The following PITPNC1 variants were observed in gnomAD, a reference collection of about 807,000 sequenced individuals.
The protein encoded by PITPNC1 is cytoplasmic phosphatidylinositol transfer protein 1.
A neutral mutation model predicts 44.7 loss-of-function variants in PITPNC1; 18 were observed. The observed-to-expected ratio is 0.40, with a 90% CI of 0.28 to 0.60. The LOEUF is 0.60. Ranked by LOEUF, PITPNC1 falls within the 20% of genes least tolerant of loss-of-function variation. The pLI is 0.39. For missense variants in PITPNC1, 290 were observed against 418.4 expected, an observed-to-expected ratio of 0.69 and a Z score of 2.68; for synonymous variants, 141 against 149.6, an observed-to-expected ratio of 0.94 and a Z score of 0.42.
At chr17:67,531,208 A>C (rs758030656) in intron 1 of PITPNC1, among the ~76,000 whole-genome samples, 4 of 152,242 alleles carry the variant, frequency 2.6e-5, no homozygotes, top group Non-Finnish European at 5.9e-5. Flanking sequence ...ACACCACTGT[A>C]GTCCCGCCCG....
chr17:67,624,214 C>CTTTTTTTTTTTTTTTTTTTT (rs71139163), intron 5 of PITPNC1, among the ~76,000 whole-genome samples: 3 of 127,114 alleles, frequency 2.4e-5, no homozygotes, highest in Admixed American at 1.8e-4. Context: ...TCTTTCTTTT[C>CTTTTTTTTTTTTTTTTTTTT]TTTTTTTTTT....
In PITPNC1 at chr17:67,599,003, T is replaced by TAC. The variant is rs200415484; in HGVS notation, c.366+20747_366+20748insCA. Among the ~76,000 whole-genome samples, 165 of 25,056 alleles carry TAC rather than the reference T, an allele frequency of 6.6e-3. 1 individual carries two copies. The highest frequency in any genetic ancestry group is 0.018 in the Admixed American group (38 of 2,084). 16.4% of individuals were successfully genotyped at this position (25,056 alleles called of 152,430 possible). On this transcript the variant is annotated intron_variant, in intron 5 of 8. Coordinates refer to ENST00000581322, the MANE Select transcript of PITPNC1 (RefSeq NM_012417.4). The stretch of plus-strand genomic sequence containing the variant: ...AGCCCCCAAAACTATAAGAAATACA[T>TAC]ATATATATATATATATATATATATA...
chr17:67,492,700 C>A (rs901737894), intron 1 of PITPNC1, among the ~76,000 whole-genome samples: 3 of 152,154 alleles, frequency 2.0e-5, no homozygotes, highest in Non-Finnish European at 4.4e-5. Context: ...CAGCTACTGT[C>A]CTGATTTCTA....
chr17:67,466,517 A>G (rs941783596), intron 1 of PITPNC1, among the ~76,000 whole-genome samples: 7 of 152,176 alleles, frequency 4.6e-5, no homozygotes, highest in Admixed American at 1.3e-4. Context: ...ACGACCCAAA[A>G]CAGCAAAGAG....
intron 2 of PITPNC1, among the ~76,000 whole-genome samples, chr17:67,551,537 C>T (rs181581537): frequency 3.6e-4 from 55 of 152,294 alleles, no homozygotes; most frequent in African/African-American, 1.2e-3. Context: ...GCTGTCCCCT[C>T]GGTGTGTCTC....
chr17:67,397,667 G>C (rs2143813507), intron 1 of PITPNC1, among the ~76,000 whole-genome samples: 1 of 152,240 alleles, frequency 6.6e-6, no homozygotes, highest in South Asian at 2.1e-4. Context: ...TCAGACCGGA[G>C]GACTTTGCAG....
rs116528679 is a variant in PITPNC1 at position 67,633,649 on chromosome 17, C to T, written c.462+1411C>T. Among the ~76,000 whole-genome samples, 408 of 152,342 alleles carry T rather than the reference C, an allele frequency of 2.7e-3. 2 individuals are homozygous for T. Among genetic ancestry groups the T allele is most frequent in the African/African-American group, 9.4e-3 (390 of 41,572 alleles). ...AACGCTCCCTACGTAACTGTGGACC[C>T]GCCGAAGAGGGAAATAAACAGGGCC... On this transcript the variant is annotated intron_variant, in intron 6 of 8. Coordinates refer to ENST00000581322, the MANE Select transcript of PITPNC1 (RefSeq NM_012417.4).
intron 1 of PITPNC1, among the ~76,000 whole-genome samples, chr17:67,507,940 G>A (rs1332986498): frequency 6.6e-6 from 1 of 152,046 alleles, no homozygotes; most frequent in Non-Finnish European, 1.5e-5. Flanking sequence ...GCTGCAACCT[G>A]GATCGCTTTC....
At chr17:67,431,063 T>TTTTTC (rs2038849248) in intron 1 of PITPNC1, among the ~76,000 whole-genome samples, 1 of 17,054 alleles carries the variant, frequency 5.9e-5, no homozygotes, top group Non-Finnish European at 1.7e-4. Context: ...TTACTGTTTC[T>TTTTTC]TTTTTTTTTT....
chr17:67,623,109 CAAAAAAAAAAA>C (rs1198070826), intron 5 of PITPNC1, among the ~76,000 whole-genome samples: 7 of 85,304 alleles, frequency 8.2e-5, no homozygotes, highest in South Asian at 1.1e-3. Flanking sequence ...TCCCAAAAGC[CAAAAAAAAAAA>C]AAAAAAAAAA....
chr17:67,532,235 G>C (rs1369063971), intron 1 of PITPNC1, among the ~76,000 whole-genome samples: 1 of 152,168 alleles, frequency 6.6e-6, no homozygotes, highest in African/African-American at 2.4e-5. Context: ...GGGGGAGCCG[G>C]GGCCTCTGGA....
At chr17:67,414,398 G>T (rs2038555128) in intron 1 of PITPNC1, among the ~76,000 whole-genome samples, 1 of 152,116 alleles carries the variant, frequency 6.6e-6, no homozygotes, top group Non-Finnish European at 1.5e-5. Context: ...CATACAACAT[G>T]CAAGAAGTTA....
intron 1 of PITPNC1, among the ~76,000 whole-genome samples, chr17:67,447,549 A>G (rs116072595): frequency 1.3e-5 from 2 of 151,388 alleles, no homozygotes; most frequent in African/African-American, 2.4e-5. Context: ...ATTTTTTTGT[A>G]GAGGCAGGGG....
intron 1 of PITPNC1, among the ~76,000 whole-genome samples, chr17:67,462,050 C>T (rs1311662368): frequency 6.6e-6 from 1 of 152,024 alleles, no homozygotes; most frequent in African/African-American, 2.4e-5. Flanking sequence ...CATTTGCTTT[C>T]ACAACATGCC....
At chr17:67,641,403 G>A (rs2042090907) in intron 6 of PITPNC1, among the ~76,000 whole-genome samples, 1 of 152,122 alleles carries the variant, frequency 6.6e-6, no homozygotes, top group African/African-American at 2.4e-5. Context: ...CTCACACTAT[G>A]CACACCATCT....
chr17:67,379,085 C>T (rs1349003094), intron 1 of PITPNC1: 1 of 985,852 alleles, frequency 1.0e-6, no homozygotes, highest in Non-Finnish European at 1.2e-6. Context: ...TCTTCCCCTT[C>T]TTCCTCCCCA....
At chr17:67,447,036 G>C (rs1397422432) in intron 1 of PITPNC1, among the ~76,000 whole-genome samples, 1 of 126,268 alleles carries the variant, frequency 7.9e-6, no homozygotes, top group African/African-American at 3.0e-5. Context: ...GTTGCAGTAA[G>C]CCAAGATTGT....
At chr17:67,378,948 G>T in intron 1 of PITPNC1, 2 of 984,714 alleles carry the variant, frequency 2.0e-6, no homozygotes, top group Non-Finnish European at 2.4e-6. Flanking sequence ...GGGGGCGCCG[G>T]GCGCGGGGCG....
At chr17:67,447,431 T>C (rs1016924605) in intron 1 of PITPNC1, among the ~76,000 whole-genome samples, 1 of 152,030 alleles carries the variant, frequency 6.6e-6, no homozygotes, top group Non-Finnish European at 1.5e-5. Flanking sequence ...TCTCCCTCAC[T>C]AGCTCCGGGT....
Sources: gnomAD v4.1 joint callset for allele counts (sites outside exome capture counted in the v4.1 genomes callset) on GRCh38, gnomAD v4.1.1 for gene constraint, MANE v1.5 for transcripts, NCBI Gene and HGNC (gene_info 2026-07-23, HGNC 2026-07-21) for gene names.